Variants in SEC13 observed in about 807,000 individuals in gnomAD.
The protein encoded by SEC13 is SEC13 homolog, nuclear pore and COPII component, also known as protein SEC13 homolog.
A neutral mutation model predicts 49.2 loss-of-function variants in SEC13; 25 were observed. The observed-to-expected ratio is 0.51, with a 90% CI of 0.37 to 0.71. The LOEUF (loss-of-function observed/expected upper bound fraction) is 0.71, where lower values mean the gene tolerates loss of function less well. SEC13 is among the 30% of genes least tolerant of loss of function. SEC13 has a pLI of 0.00. For synonymous variants in SEC13, 148 were observed against 163.9 expected (o/e 0.90, Z 0.74); for missense variants, 383 against 417.6 (o/e 0.92, Z 0.72).
At position 10,312,690 on chromosome 3, in the gene SEC13, T is replaced by G. The variant is rs757397168; in HGVS notation, c.205A>C (p.Met69Leu). 6.2e-7 allele frequency: 1 copy of G among 1,614,194 alleles called. No individual in the cohort carries two copies. The highest frequency in any genetic ancestry group is 8.5e-7 in the Non-Finnish European group (1 of 1,180,038). The stretch of plus-strand genomic sequence containing the variant: ...CACGATGCCAGGATGTTGCCGTACA[T>G]GGGGTGAGCCCAGGCCACTTGCCAC... ...PVWQVAWAHP[M>L]YGNILASCSY... The change falls in exon 4 of 9, where the codon ATG becomes CTG. Residue 69 changes from methionine (M) to leucine (L), a missense_variant. Met to Leu is a conservative substitution (Grantham distance 15). Coordinates refer to ENST00000350697, the MANE Select transcript of SEC13 (RefSeq NM_183352.3).
intron 5 of SEC13, among the ~76,000 whole-genome samples, chr3:10,306,888 C>T (rs1035284371): frequency 6.6e-6 from 1 of 152,200 alleles, no homozygotes; most frequent in Admixed American, 6.5e-5. Flanking sequence ...TCTCCATCCT[C>T]TTTCCTTTGT....
intron 8 of SEC13, chr3:10,303,718 C>A: frequency 2.3e-6 from 1 of 443,280 alleles, no homozygotes; most frequent in South Asian, 2.2e-5. Flanking sequence ...TGAACATCAC[C>A]ATGAGGTGAC....
At chr3:10,315,654 G>C (rs1322421889) in intron 2 of SEC13, among the ~76,000 whole-genome samples, 1 of 152,206 alleles carries the variant, frequency 6.6e-6, no homozygotes, top group Non-Finnish European at 1.5e-5. Context: ...GCCATGCCCA[G>C]CTGGTGTCAC....
chr3:10,320,851 G>T (rs2059764508), intron 1 of SEC13, 199 bp downstream of exon 1: 1 of 1,311,464 alleles, frequency 7.6e-7, no homozygotes, highest in Admixed American at 4.0e-5. Flanking sequence ...CGCAAAGTCA[G>T]GGAGGTTCCT....
intron 5 of SEC13, 98 bp downstream of exon 5, chr3:10,311,867 C>A (rs376967512): frequency 1.2e-6 from 2 of 1,609,584 alleles, no homozygotes; most frequent in South Asian, 1.1e-5. Context: ...GGCCCACTGT[C>A]CAGCGGGGAC....
chr3:10,309,152 G>T (rs1235177181), intron 5 of SEC13, among the ~76,000 whole-genome samples: 3 of 151,258 alleles, frequency 2.0e-5, no homozygotes, highest in Non-Finnish European at 4.4e-5. Context: ...TGGTCAGGCT[G>T]GTCTTAAACT....
chr3:10,305,716 ACT>A (rs1224936559), intron 5 of SEC13, 24 bp from the exon 6 acceptor site: 1 of 1,613,284 alleles, frequency 6.2e-7, no homozygotes, highest in East Asian at 2.2e-5. Flanking sequence ...ACACATGGTG[ACT>A]CTGCCTTGCA....
At chr3:10,317,678 TC>T (rs1469880823) in intron 2 of SEC13, among the ~76,000 whole-genome samples, 3 of 152,008 alleles carry the variant, frequency 2.0e-5, no homozygotes, top group Admixed American at 1.3e-4. Context: ...CACCCCCCTT[TC>T]CAGTGGGGCT....
At chr3:10,306,079 C>T (rs985290685) in intron 5 of SEC13, among the ~76,000 whole-genome samples, 3 of 152,098 alleles carry the variant, frequency 2.0e-5, no homozygotes, top group Non-Finnish European at 2.9e-5. Flanking sequence ...ATCACAGCTC[C>T]CTCTTCCACT....
intron 8 of SEC13, 69 bp from the exon 9 acceptor site, chr3:10,301,443 G>A: frequency 6.3e-7 from 1 of 1,590,594 alleles, no homozygotes; most frequent in South Asian, 1.1e-5. Flanking sequence ...CTAAATATGA[G>A]CCTCATCCTC....
intron 1 of SEC13, among the ~76,000 whole-genome samples, chr3:10,318,666 C>T (rs539535308): frequency 6.6e-6 from 1 of 152,234 alleles, no homozygotes; most frequent in South Asian, 2.1e-4. Flanking sequence ...AGACTTGATT[C>T]GAGTGTTTCC....
intron 5 of SEC13, among the ~76,000 whole-genome samples, chr3:10,308,677 T>C (rs1009756462): frequency 2.6e-5 from 4 of 152,112 alleles, no homozygotes; most frequent in African/African-American, 9.7e-5. Flanking sequence ...AATAATCTAA[T>C]TGTCTTTCCC....
chr3:10,315,750 C>T (rs1267780790), intron 2 of SEC13, among the ~76,000 whole-genome samples: 24 of 152,204 alleles, frequency 1.6e-4, no homozygotes, highest in Admixed American at 1.6e-3. Context: ...CCTAGCTGCC[C>T]TCTTCTTCCT....
chr3:10,315,597 T>G (rs1428009767), intron 2 of SEC13, among the ~76,000 whole-genome samples, 161 bp from the exon 3 acceptor site: 8 of 152,178 alleles, frequency 5.3e-5, no homozygotes. Flanking sequence ...CATGTGGACA[T>G]TCTCACTTCA....
intron 7 of SEC13, 133 bp downstream of exon 7, chr3:10,304,900 C>T: frequency 7.5e-7 from 1 of 1,333,674 alleles, no homozygotes. Flanking sequence ...TGACCTGACT[C>T]CCTGTGCTCT....
intron 5 of SEC13, 134 bp from the exon 6 acceptor site, chr3:10,305,826 T>A: frequency 1.2e-6 from 1 of 852,444 alleles, no homozygotes; most frequent in Non-Finnish European, 1.8e-6. Context: ...GCACTCATCA[T>A]GGGGTCCACT....
At chr3:10,301,462 C>A in intron 8 of SEC13, 88 bp from the exon 9 acceptor site, 1 of 1,545,110 alleles carries the variant, frequency 6.5e-7, no homozygotes, top group South Asian at 1.2e-5. Flanking sequence ...TCATCAAGAA[C>A]CACTGCCCAG....
chr3:10,305,824 C>T (rs1353357299), intron 5 of SEC13, 132 bp from the exon 6 acceptor site: 2 of 902,148 alleles, frequency 2.2e-6, no homozygotes, highest in African/African-American at 1.7e-5. Flanking sequence ...AAGCACTCAT[C>T]ATGGGGTCCA....
In SEC13 at chr3:10,304,081, T is replaced by C. The variant is rs754797935; in HGVS notation, c.800A>G (p.His267Arg). Residue 267 changes from histidine to arginine, a missense_variant, in exon 8 of 9, where the codon CAT (histidine) becomes CGT (arginine). Physicochemically the swap from His to Arg is conservative, Grantham distance 29 (BLOSUM62 0). Transcript: ENST00000350697. ...GTTGGCTGTGATGGACCAGCTCACA[T>C]GCCACACCACATCGTTGAACTTGTG... is the stretch of plus-strand genomic sequence containing the variant. Reference protein sequence around the residue: ...LLHKFNDVVWHVSWSITANIL... With the variant: ...LLHKFNDVVWRVSWSITANIL... The C allele has an allele frequency of 5.0e-6, 8 of 1,614,048 alleles. No individual in the cohort carries two copies. Among genetic ancestry groups the C allele is most frequent in the Non-Finnish European group, 6.8e-6 (8 of 1,180,034 alleles).
Sources: allele counts gnomAD v4.1 joint callset (sites outside exome capture counted in the v4.1 genomes callset), GRCh38; gene constraint gnomAD v4.1.1; transcripts MANE v1.5; gene names NCBI Gene and HGNC (gene_info 2026-07-23, HGNC 2026-07-21).